Variants in ATAT1 observed in about 807,000 individuals in gnomAD.
The protein encoded by ATAT1 is alpha-tubulin N-acetyltransferase 1.
Under a neutral mutation model 57.2 loss-of-function variants are expected in ATAT1, and 42 were observed. The observed-to-expected ratio is 0.73, with a 90% CI of 0.57 to 0.95. The LOEUF (loss-of-function observed/expected upper bound fraction) is 0.95. Ranked by LOEUF, ATAT1 falls within the 40% of genes least tolerant of loss-of-function variation. ATAT1 has a pLI of 0.00. For synonymous variants in ATAT1, 168 were observed against 187.1 expected, an observed-to-expected ratio of 0.90 and a Z score of 0.83; for missense variants, 454 against 523.7, an observed-to-expected ratio of 0.87 and a Z score of 1.30.
intron 10 of ATAT1, chr6:30,643,347 G>A: frequency 7.0e-7 from 1 of 1,438,822 alleles, no homozygotes; most frequent in South Asian, 1.5e-5. Flanking sequence ...GGAAGGGGCA[G>A]TGTCTGACAG....
At chr6:30,643,225 C>A in intron 10 of ATAT1, 1 of 1,419,188 alleles carries the variant, frequency 7.0e-7, no homozygotes, top group Non-Finnish European at 9.2e-7. Context: ...GCCTAGGGAC[C>A]CTGGCTTTAA....
intron 6 of ATAT1, among the ~76,000 whole-genome samples, chr6:30,637,459 C>T (rs927832936): frequency 6.6e-6 from 1 of 151,894 alleles, no homozygotes; most frequent in African/African-American, 2.4e-5. Context: ...CAGTCTCTAC[C>T]TCCTAGGCTC....
chr6:30,644,236 C>T, intron 10 of ATAT1: 1 of 985,860 alleles, frequency 1.0e-6, no homozygotes, highest in South Asian at 4.7e-5. Context: ...ACCACCATTT[C>T]CCCCAGATCC....
chr6:30,628,901 CTTT>C (rs78380830), intron 6 of ATAT1, among the ~76,000 whole-genome samples: 2 of 136,778 alleles, frequency 1.5e-5, no homozygotes, highest in Admixed American at 7.4e-5. Context: ...CCGCATCTGA[CTTT>C]TTTTTTTTTT....
At chr6:30,642,283 G>C in intron 9 of ATAT1, 36 bp downstream of exon 9, 1 of 1,613,238 alleles carries the variant, frequency 6.2e-7, no homozygotes, top group South Asian at 1.1e-5. Flanking sequence ...TGGGCCTGGG[G>C]TACCTTAACA....
At chr6:30,635,820 T>C (rs1177104129) in intron 6 of ATAT1, among the ~76,000 whole-genome samples, 3 of 152,158 alleles carry the variant, frequency 2.0e-5, no homozygotes, top group African/African-American at 2.4e-5. Flanking sequence ...TCTTGTAGAC[T>C]GAGAAGCTAG....
At chr6:30,646,292 C>T in intron 12 of ATAT1, 177 bp from the exon 13 acceptor site, 3 of 1,450,400 alleles carry the variant, frequency 2.1e-6, no homozygotes, top group Non-Finnish European at 2.7e-6. Flanking sequence ...TCTGGTACTT[C>T]CCTTTGGAAT....
intron 6 of ATAT1, among the ~76,000 whole-genome samples, chr6:30,637,367 CTT>C (rs769594150): frequency 1.4e-5 from 2 of 142,616 alleles, no homozygotes; most frequent in African/African-American, 2.6e-5. Flanking sequence ...ACCCAGTGAA[CTT>C]TTTTTTTTTT....
chr6:30,627,077 C>G lies in ATAT1; in HGVS notation c.-127C>G. The G allele has an allele frequency of 6.4e-7, 1 of 1,551,506 alleles. No individual in the cohort carries two copies. Among genetic ancestry groups the G allele is most frequent in the Middle Eastern group, 1.7e-4 (1 of 5,934 alleles). ...AGGCACCACGCCCCCTTCTCACTGA[C>G]TAGTGATCGCCCCTTTTGATGTCCA... On this transcript the variant is annotated 5_prime_UTR_variant, in exon 1 of 13. Transcript: ENST00000330083.
chr6:30,642,833 G>GGGCGCCCCCCCCCCCCCCCCCCCCCCC lies in ATAT1; in HGVS notation c.754_755insGGCGCCCCCCCCCCCCCCCCCCCCCCC (p.Ala252delinsGlyArgProProProProProProProPro). 6.5e-7 allele frequency: 1 copy of GGGCGCCCCCCCCCCCCCCCCCCCCCCC among 1,537,878 alleles called. No homozygotes were observed. The highest frequency in any genetic ancestry group is 1.9e-5 in the Admixed American group (1 of 52,406). On this transcript the variant is annotated protein_altering_variant, in exon 10 of 13. Coordinates refer to ENST00000330083, the MANE Select transcript of ATAT1 (RefSeq NM_001031722.4). ...GGCCCCTCGCCGCGCCACACCTCCA[G>GGGCGCCCCCCCCCCCCCCCCCCCCCCC]CCCACCCACCCCCCCGCTCCAGCAG...
In ATAT1 at chr6:30,627,012, C is replaced by T. The variant is rs746049444; in HGVS notation, c.-192C>T. ...GGCCCGGTGACAGCTCAAACCCACCCTCTGGCCCTTTTCTCCCGGTTCCTC... is the reference window on the plus strand; with the variant it reads ...GGCCCGGTGACAGCTCAAACCCACCTTCTGGCCCTTTTCTCCCGGTTCCTC... On this transcript the variant is annotated 5_prime_UTR_variant, in exon 1 of 13. Transcript: ENST00000330083. The T allele has an allele frequency of 6.4e-7, 1 of 1,570,518 alleles. No homozygotes were observed. The highest frequency in any genetic ancestry group is 8.6e-7 in the Non-Finnish European group (1 of 1,156,364).
intron 6 of ATAT1, chr6:30,633,631 C>G (rs1763380970): frequency 5.0e-6 from 1 of 201,126 alleles, no homozygotes; most frequent in Non-Finnish European, 1.1e-5. Context: ...TGTGCCCCAC[C>G]ATGTCAGAGG....
At chr6:30,645,641 T>G (rs905252940) in intron 10 of ATAT1, among the ~76,000 whole-genome samples, 2 of 152,198 alleles carry the variant, frequency 1.3e-5, no homozygotes, top group African/African-American at 4.8e-5. Context: ...CACCTAGCCA[T>G]AGATTTAACA....
intron 6 of ATAT1, among the ~76,000 whole-genome samples, chr6:30,637,550 G>A (rs1764389186): frequency 6.6e-6 from 1 of 151,872 alleles, no homozygotes; most frequent in African/African-American, 2.4e-5. Context: ...GGGCGTGGTG[G>A]CATGTGCCTG....
intron 10 of ATAT1, chr6:30,643,359 G>C: frequency 6.9e-7 from 1 of 1,448,962 alleles, no homozygotes; most frequent in East Asian, 2.5e-5. Flanking sequence ...GTCTGACAGA[G>C]AGTGGGAAGC....
intron 12 of ATAT1, 151 bp from the exon 13 acceptor site, chr6:30,646,318 G>A (rs945504176): frequency 1.2e-5 from 17 of 1,447,058 alleles, no homozygotes; most frequent in East Asian, 1.0e-4. Context: ...TTCTCTGAGA[G>A]GTTTTAAATT....
At chr6:30,646,364 T>C (rs979129770) in intron 12 of ATAT1, 105 bp from the exon 13 acceptor site, 6 of 1,449,394 alleles carry the variant, frequency 4.1e-6, no homozygotes, top group African/African-American at 2.9e-5. Flanking sequence ...TTCATACCCA[T>C]CATGTGTCCT....
Position 30,626,909 on chromosome 6 carries a change from C to G in ATAT1, c.-295C>G, listed in dbSNP as rs1264668157. The G allele has an allele frequency of 1.2e-6, 2 of 1,608,462 alleles. No homozygotes were observed. Among genetic ancestry groups the G allele is most frequent in the Non-Finnish European group, 1.7e-6 (2 of 1,178,290 alleles). On this transcript the variant is annotated 5_prime_UTR_variant, in exon 1 of 13. Coordinates refer to ENST00000330083, the MANE Select transcript of ATAT1 (RefSeq NM_001031722.4). Reference sequence around the variant, plus strand: ...CCATGGAGTTCCCGTTCGATGTGGACGCGCTGTTCCCGGAGCGGATCACGG... The same window carrying G: ...CCATGGAGTTCCCGTTCGATGTGGAGGCGCTGTTCCCGGAGCGGATCACGG...
chr6:30,626,943 C>G lies in ATAT1; in HGVS notation c.-261C>G. On this transcript the variant is annotated 5_prime_UTR_variant, in exon 1 of 13. Transcript: ENST00000330083. ...CCCGGAGCGGATCACGGTGCTGGAC[C>G]AGCACCTGAGGCCCCCAGCCCGCCG... 6.2e-7 allele frequency: 1 copy of G among 1,609,050 alleles called. No homozygotes were observed. The highest frequency in any genetic ancestry group is 8.5e-7 in the Non-Finnish European group (1 of 1,178,440).
Sources: gnomAD v4.1 joint callset for allele counts (sites outside exome capture counted in the v4.1 genomes callset) on GRCh38, gnomAD v4.1.1 for gene constraint, MANE v1.5 for transcripts, NCBI Gene and HGNC (gene_info 2026-07-23, HGNC 2026-07-21) for gene names.